ZFYVE9: variants seen among roughly 807,000 people sequenced by gnomAD.
ZFYVE9 encodes zinc finger FYVE domain-containing protein 9.
A neutral mutation model predicts 126.7 loss-of-function variants in ZFYVE9; 43 were observed. That is an observed-to-expected ratio of 0.34 (90% CI 0.27 to 0.44). ZFYVE9 has a LOEUF of 0.44. Among genes scored for constraint, ZFYVE9 ranks in the 20% least tolerant of loss-of-function variants. The pLI is 1.00. For synonymous variants in ZFYVE9, 521 were observed against 597.4 expected (o/e 0.87, Z 1.87); for missense variants, 1,476 against 1,697.0 (o/e 0.87, Z 2.29).
chr1:52,320,121 A>C (rs1318545168), intron 13 of ZFYVE9, among the ~76,000 whole-genome samples: 1 of 149,016 alleles, frequency 6.7e-6, no homozygotes, highest in African/African-American at 2.5e-5. Flanking sequence ...CCCAGGCTGG[A>C]GTGCAATGGT....
At chr1:52,184,136 TA>T (rs1389341858) in intron 1 of ZFYVE9, among the ~76,000 whole-genome samples, 1 of 149,930 alleles carries the variant, frequency 6.7e-6, no homozygotes, top group African/African-American at 2.4e-5. Context: ...TTGGCAGCTT[TA>T]AATTAGGTCA....
intron 13 of ZFYVE9, among the ~76,000 whole-genome samples, chr1:52,330,579 A>G (rs545928376): frequency 2.6e-5 from 4 of 152,206 alleles, no homozygotes; most frequent in Non-Finnish European, 4.4e-5. Flanking sequence ...ACTGTCATGC[A>G]TGGGTGGGAG....
chr1:52,247,431 G>A (rs1452388831), intron 4 of ZFYVE9, among the ~76,000 whole-genome samples: 2 of 152,096 alleles, frequency 1.3e-5, no homozygotes, highest in Non-Finnish European at 2.9e-5. Flanking sequence ...GGGTTTGAGG[G>A]TATATGGTTC....
chr1:52,172,484 G>A (rs1644582860), intron 1 of ZFYVE9, among the ~76,000 whole-genome samples: 1 of 152,266 alleles, frequency 6.6e-6, no homozygotes, highest in Admixed American at 6.5e-5. Flanking sequence ...GGTGATTCGG[G>A]CTCTTTTTTG....
At chr1:52,158,545 C>T (rs1644424737) in intron 1 of ZFYVE9, among the ~76,000 whole-genome samples, 1 of 152,200 alleles carries the variant, frequency 6.6e-6, no homozygotes, top group Non-Finnish European at 1.5e-5. Context: ...TATCAGGCTT[C>T]TAGGTTTTCC....
At chr1:52,166,736 C>T (rs1313422305) in intron 1 of ZFYVE9, among the ~76,000 whole-genome samples, 1 of 151,992 alleles carries the variant, frequency 6.6e-6, no homozygotes, top group African/African-American at 2.4e-5. Context: ...AACATCTTGT[C>T]CCATCTCTAC....
chr1:52,251,003 T>C (rs1036835891), intron 4 of ZFYVE9, among the ~76,000 whole-genome samples: 2 of 152,064 alleles, frequency 1.3e-5, no homozygotes, highest in African/African-American at 4.8e-5. Context: ...TGAGTCACCA[T>C]GCTTGGCCAG....
chr1:52,234,868 C>T (rs1645259188), intron 3 of ZFYVE9, among the ~76,000 whole-genome samples: 1 of 152,172 alleles, frequency 6.6e-6, no homozygotes, highest in South Asian at 2.1e-4. Context: ...ATTTAGCCCT[C>T]TGTGTATCAC....
chr1:52,249,900 A>G (rs1382497163), intron 4 of ZFYVE9, among the ~76,000 whole-genome samples: 1 of 151,952 alleles, frequency 6.6e-6, no homozygotes, highest in East Asian at 1.9e-4. Flanking sequence ...TGGTTTTGGC[A>G]CTCTTGTCAA....
chr1:52,148,409 A>T (rs972953312), intron 1 of ZFYVE9, among the ~76,000 whole-genome samples: 7 of 151,740 alleles, frequency 4.6e-5, no homozygotes, highest in African/African-American at 1.7e-4. Flanking sequence ...AATTGCTTGA[A>T]CCAGGGAGGC....
At chr1:52,288,428 G>A (rs917200695) in intron 10 of ZFYVE9, among the ~76,000 whole-genome samples, 9 of 152,042 alleles carry the variant, frequency 5.9e-5, no homozygotes, top group Non-Finnish European at 1.3e-4. Context: ...GCCTCCCAAG[G>A]GGCTGGGATT....
intron 4 of ZFYVE9, chr1:52,253,548 G>A (rs1414417835): frequency 1.9e-5 from 14 of 736,166 alleles, no homozygotes; most frequent in South Asian, 5.0e-5. Flanking sequence ...CTAGGAAGCC[G>A]AGTGGGAGTG....
chr1:52,333,091 C>CA (rs1646357244), intron 14 of ZFYVE9, among the ~76,000 whole-genome samples, 173 bp downstream of exon 14: 2 of 152,150 alleles, frequency 1.3e-5, no homozygotes, highest in Admixed American at 6.5e-5. Context: ...TGGCCAGACT[C>CA]AGAGTTGCAA....
In ZFYVE9 at chr1:52,290,196, T is replaced by C. The variant is rs138281086; in HGVS notation, c.3026-3257T>C. Among the ~76,000 whole-genome samples the C allele has an allele frequency of 2.6e-5, 4 of 152,290 alleles. No homozygotes were observed. The East Asian group carries it at 7.7e-4, about 29-fold the overall frequency. ...ATCTGGTGAGGACCTTTTTGCTGCA[T>C]CATCCCATGGCAGAAGGGCAAATGG... On this transcript the variant is annotated intron_variant, in intron 10 of 18. Coordinates refer to ENST00000287727, the MANE Select transcript of ZFYVE9 (RefSeq NM_004799.4).
intron 1 of ZFYVE9, among the ~76,000 whole-genome samples, chr1:52,171,909 C>G (rs1644575159): frequency 2.0e-5 from 3 of 152,114 alleles, no homozygotes; most frequent in Admixed American, 1.3e-4. Flanking sequence ...AGCTCTTTGT[C>G]AGATGAGTAG....
rs1646461017 is a variant in ZFYVE9, at chr1:52,343,762, TC to T, written c.3940-1005del. On this transcript the variant is annotated intron_variant, in intron 17 of 18. Coordinates refer to ENST00000287727, the MANE Select transcript of ZFYVE9 (RefSeq NM_004799.4). ...TGGGCAACAGAGTTGAGACTCCATCTCAAAAAAAAAATAAAGTAAGTCCTTT... is the reference window on the plus strand; with the variant it reads ...TGGGCAACAGAGTTGAGACTCCATCTAAAAAAAAAATAAAGTAAGTCCTTT... 2.3e-5 allele frequency among the ~76,000 whole-genome samples: 3 copies of T among 129,778 alleles called. No individual in the cohort carries two copies. In the Admixed American group the frequency reaches 2.3e-4, roughly 10 times the overall value. The allele number at this position is 129,778 out of a possible 152,430, so 85.1% of individuals were successfully genotyped here. A position where few individuals can be genotyped will look rare whatever the true frequency, so the allele number is the denominator to read the frequency against.
chr1:52,182,774 A>G (rs964486551), intron 1 of ZFYVE9, among the ~76,000 whole-genome samples: 48 of 151,924 alleles, frequency 3.2e-4, no homozygotes, highest in African/African-American at 1.2e-3. Context: ...ATAAAAAAAA[A>G]TAAATATTTT....
chr1:52,330,511 T>C (rs543806245), intron 13 of ZFYVE9, among the ~76,000 whole-genome samples: 3 of 152,184 alleles, frequency 2.0e-5, no homozygotes, highest in South Asian at 2.1e-4. Context: ...GAACTGAGGG[T>C]TCCTTCCTTT....
At chr1:52,229,061 T>C (rs1393102207) in intron 2 of ZFYVE9, among the ~76,000 whole-genome samples, 1 of 151,994 alleles carries the variant, frequency 6.6e-6, no homozygotes, top group Non-Finnish European at 1.5e-5. Flanking sequence ...TTTATTTTTG[T>C]TGATGTTGCC....
Sources: gnomAD v4.1 joint callset for allele counts (sites outside exome capture counted in the v4.1 genomes callset) on GRCh38, gnomAD v4.1.1 for gene constraint, MANE v1.5 for transcripts, NCBI Gene and HGNC (gene_info 2026-07-23, HGNC 2026-07-21) for gene names.